S100Z: variants seen among roughly 807,000 people sequenced by gnomAD.
S100Z encodes S100 calcium binding protein Z, also known as protein S100-Z.
S100Z carries 11 observed loss-of-function variants against 8.5 expected under a neutral mutation model. That is an observed-to-expected ratio of 1.30 (90% CI 0.82 to 2.15). The LOEUF is 2.15. Ranked by LOEUF, S100Z falls within the 30% of genes most tolerant of loss-of-function variation. The pLI, the probability that S100Z is intolerant of heterozygous loss-of-function variation, is 0.00. For synonymous variants in S100Z, 34 were observed against 43.8 expected (o/e 0.78, Z 0.89); for missense variants, 126 against 117.9 (o/e 1.07, Z -0.32).
downstream of S100Z, among the ~76,000 whole-genome samples, chr5:76,925,373 G>A (rs987951): frequency 0.27 from 40,574 of 151,988 alleles, 6,003 homozygotes; most frequent in South Asian, 0.6. Flanking sequence ...AACCATAACC[G>A]GGGCTTCGCC....
chr5:76,935,945 T>A, the S100Z span, among the ~76,000 whole-genome samples: 3 of 151,982 alleles, frequency 2.0e-5, no homozygotes, highest in African/African-American at 7.3e-5. Flanking sequence ...CCGGGCTAAT[T>A]TTTGTATTTT....
chr5:76,905,705 C>T (rs1744401554), intron 4 of S100Z, among the ~76,000 whole-genome samples: 1 of 152,178 alleles, frequency 6.6e-6, no homozygotes, highest in Non-Finnish European at 1.5e-5. Context: ...AACCACCGTG[C>T]CTGGCCATTT....
chr5:76,888,775 A>G (rs1458082599), intron 4 of S100Z, among the ~76,000 whole-genome samples: 2 of 152,210 alleles, frequency 1.3e-5, no homozygotes, highest in African/African-American at 4.8e-5. Context: ...CGGCTCTTAG[A>G]GCCAGGCCAG....
Position 76,921,181 on chromosome 5 carries a change from C to A in S100Z, c.*467C>A, listed in dbSNP as rs1745022734. 6.6e-6 allele frequency: 1 copy of A among 152,046 alleles called. No individual in the cohort carries two copies. The highest frequency in any genetic ancestry group is 6.6e-5 in the Admixed American group (1 of 15,262). The allele number at this position is 152,046 out of a possible 1,614,324, so 9.4% of individuals were successfully genotyped here. A position where few individuals can be genotyped will look rare whatever the true frequency, so the allele number is the denominator to read the frequency against. The stretch of plus-strand genomic sequence containing the variant: ...AAAATGAGATTACACCAAAAAATAT[C>A]TTTTGTTATCTATATAGTTCCAGCT... On this transcript the variant is annotated 3_prime_UTR_variant, in exon 5 of 5. Coordinates refer to ENST00000317593, the MANE Select transcript of S100Z (RefSeq NM_130772.4).
At chr5:76,925,918 G>T (rs1227405557), downstream of S100Z, among the ~76,000 whole-genome samples, 1 of 152,218 alleles carries the variant, frequency 6.6e-6, no homozygotes, top group Non-Finnish European at 1.5e-5. Flanking sequence ...AGTGAGCCAA[G>T]ATTGTGTCAA....
At chr5:76,936,615 CTACACACACACACA>C in the S100Z span, among the ~76,000 whole-genome samples, 1 of 60,470 alleles carries the variant, frequency 1.7e-5, no homozygotes, top group Non-Finnish European at 3.6e-5. Context: ...ATTAAAGTTC[CTACACACACACACA>C]CACACACACA....
chr5:76,908,443 C>T (rs751127984), intron 4 of S100Z, among the ~76,000 whole-genome samples: 61 of 152,292 alleles, frequency 4.0e-4, no homozygotes, highest in Admixed American at 1.4e-3. Context: ...AGGCTAGTCA[C>T]GCTTCTAAAA....
Position 76,918,984 on chromosome 5 carries a change from A to C in S100Z, c.*3-1733A>C, listed in dbSNP as rs76644218. On this transcript the variant is annotated intron_variant, in intron 4 of 4. Transcript: ENST00000317593. ...GATTGCCTTCTCTCACTTAATACACATTTAAGTTTTCTTCGTGGCTTTTCA... is the reference window on the plus strand; with the variant it reads ...GATTGCCTTCTCTCACTTAATACACCTTTAAGTTTTCTTCGTGGCTTTTCA... Among the ~76,000 whole-genome samples, 1,032 of 152,234 alleles carry C rather than the reference A, an allele frequency of 6.8e-3. 13 individuals carry two copies. The highest frequency in any genetic ancestry group is 0.023 in the African/African-American group (963 of 41,534).
chr5:76,939,374 A>G, the S100Z span, among the ~76,000 whole-genome samples: 111,676 of 150,518 alleles, frequency 0.74, 41,946 homozygotes, highest in East Asian at 0.93. Context: ...GGATGGTCTC[A>G]ATCTCCTGAC....
intron 1 of S100Z, among the ~76,000 whole-genome samples, chr5:76,869,649 G>A (rs1742932463): frequency 6.6e-6 from 1 of 152,164 alleles, no homozygotes; most frequent in Non-Finnish European, 1.5e-5. Context: ...GGAAGCCACT[G>A]CAGTAATAGG....
intron 3 of S100Z, among the ~76,000 whole-genome samples, chr5:76,877,400 GT>G: frequency 6.6e-6 from 1 of 152,122 alleles, no homozygotes; most frequent in South Asian, 2.1e-4. Context: ...TCCTGTAAAT[GT>G]GTTTTTAGCA....
chr5:76,944,009 T>C, the S100Z span, among the ~76,000 whole-genome samples: 2 of 151,766 alleles, frequency 1.3e-5, no homozygotes, highest in African/African-American at 4.8e-5. Context: ...ATGACTGAGT[T>C]TTTTTTTTGG....
chr5:76,916,086 A>C, intron 4 of S100Z, among the ~76,000 whole-genome samples: 1 of 149,658 alleles, frequency 6.7e-6, no homozygotes, highest in East Asian at 2.0e-4. Flanking sequence ...GCTTGAACCC[A>C]GGAGGTGGAG....
chr5:76,877,876 T>C (rs1488995581), intron 4 of S100Z, 42 bp downstream of exon 4: 1 of 1,391,378 alleles, frequency 7.2e-7, no homozygotes, highest in Non-Finnish European at 1.0e-6. Flanking sequence ...ATATCCAAAG[T>C]TATGTACTTA....
chr5:76,943,276 C>T, the S100Z span, among the ~76,000 whole-genome samples: 1 of 152,172 alleles, frequency 6.6e-6, no homozygotes, highest in South Asian at 2.1e-4. Context: ...CATGTGACCT[C>T]TCCAGCATAG....
Position 76,907,670 on chromosome 5 carries a change from T to C in S100Z, c.*3-13047T>C, listed in dbSNP as rs189689959. ...ATTTTGTTCTTCTTTTTCAAAATTATATTTGCTATTCTAGTTTACTTTATT... is the reference window on the plus strand; with the variant it reads ...ATTTTGTTCTTCTTTTTCAAAATTACATTTGCTATTCTAGTTTACTTTATT... On this transcript the variant is annotated intron_variant, in intron 4 of 4. Coordinates refer to ENST00000317593, the MANE Select transcript of S100Z (RefSeq NM_130772.4). Among the ~76,000 whole-genome samples, 304 of 152,360 alleles carry C rather than the reference T, an allele frequency of 2.0e-3. 8 individuals are homozygous for C. The highest frequency in any genetic ancestry group is 1.6e-3 in the Non-Finnish European group (109 of 68,038).
chr5:76,931,625 C>T, the S100Z span, among the ~76,000 whole-genome samples: 27 of 152,076 alleles, frequency 1.8e-4, no homozygotes, highest in African/African-American at 6.3e-4. Context: ...CGTGGTTGAA[C>T]CTTGGTGGGG....
chr5:76,909,730 A>G (rs1316905834), intron 4 of S100Z, among the ~76,000 whole-genome samples: 2 of 152,180 alleles, frequency 1.3e-5, no homozygotes, highest in African/African-American at 4.8e-5. Context: ...ACCTGGGTAC[A>G]TGTCCCCTTC....
chr5:76,906,991 T>C (rs28898280), intron 4 of S100Z, among the ~76,000 whole-genome samples: 13 of 23,580 alleles, frequency 5.5e-4, no homozygotes, highest in East Asian at 5.8e-3. Context: ...TATATATATA[T>C]ATATATATAT....
Sources: gnomAD v4.1 joint callset for allele counts (sites outside exome capture counted in the v4.1 genomes callset) on GRCh38, gnomAD v4.1.1 for gene constraint, MANE v1.5 for transcripts, NCBI Gene and HGNC (gene_info 2026-07-23, HGNC 2026-07-21) for gene names.